The following FNBP1 variants were observed in gnomAD, a reference collection of about 807,000 sequenced individuals.
FNBP1 encodes the protein formin binding protein 1.
FNBP1 carries 26 observed loss-of-function variants against 90.6 expected under a neutral mutation model. The ratio of observed to expected loss-of-function variants is 0.29; its 90% CI spans 0.21 to 0.40. The LOEUF (loss-of-function observed/expected upper bound fraction) is 0.40. Ranked by LOEUF, FNBP1 falls within the 10% of genes least tolerant of loss-of-function variation. The probability of loss-of-function intolerance (pLI) is 1.00; values close to 1 mark genes in which losing one functional copy is unlikely to be tolerated. For synonymous variants in FNBP1, 260 were observed against 265.2 expected (o/e 0.98, Z 0.19); for missense variants, 635 against 768.0 (o/e 0.83, Z 2.05).
intron 1 of FNBP1, among the ~76,000 whole-genome samples, chr9:130,032,677 T>C (rs1742587085): frequency 6.6e-6 from 1 of 152,052 alleles, no homozygotes; most frequent in South Asian, 2.1e-4. Flanking sequence ...AATAATTCAT[T>C]AGATGTTTCA....
At chr9:129,984,651 C>T (rs2051845109) in intron 2 of FNBP1, among the ~76,000 whole-genome samples, 1 of 152,048 alleles carries the variant, frequency 6.6e-6, no homozygotes, top group South Asian at 2.1e-4. Flanking sequence ...CGCTGTGTCC[C>T]CACCCAAATC....
Position 129,976,768 on chromosome 9 carries a change from T to C in FNBP1, c.345+1697A>G, listed in dbSNP as rs550114142. On this transcript the variant is annotated intron_variant, in intron 4 of 16. Coordinates refer to ENST00000446176, the MANE Select transcript of FNBP1 (RefSeq NM_015033.3). ...TACTCTTACTTTGTGGCAACTACCATAATTGCAATTAAATAATCACTTTTG... is the reference window on the plus strand; with the variant it reads ...TACTCTTACTTTGTGGCAACTACCACAATTGCAATTAAATAATCACTTTTG... Among the ~76,000 whole-genome samples the C allele has an allele frequency of 5.7e-4, 87 of 152,320 alleles. No individual in the cohort carries two copies. The South Asian group carries it at 0.018, about 31-fold the overall frequency.
intron 16 of FNBP1, among the ~76,000 whole-genome samples, chr9:129,891,920 C>G (rs1025098393): frequency 6.6e-6 from 1 of 152,096 alleles, no homozygotes; most frequent in Middle Eastern, 3.2e-3. Context: ...GAAGCAGATA[C>G]GAGGGTACAA....
chr9:130,030,709 T>C (rs190511434), intron 1 of FNBP1, among the ~76,000 whole-genome samples: 4 of 152,176 alleles, frequency 2.6e-5, no homozygotes, highest in African/African-American at 7.2e-5. Context: ...GGCGAGAACG[T>C]ACGGATCAGC....
chr9:130,014,829 C>A (rs893902712), intron 1 of FNBP1, among the ~76,000 whole-genome samples: 1 of 151,454 alleles, frequency 6.6e-6, no homozygotes, highest in Non-Finnish European at 1.5e-5. Flanking sequence ...AAGTATTGAA[C>A]TATTACTTTT....
chr9:130,042,766 C>A lies in FNBP1; in HGVS notation c.24+186G>T, dbSNP rs1300931046. On this transcript the variant is annotated intron_variant, in intron 1 of 16. Transcript: ENST00000446176. The surrounding 1 kb of genome is among the most constrained non-coding windows in gnomAD (Gnocchi z 5.5). ...CCTCGCCTCCGAAGGACAAGCCGGC[C>A]CGCACCTCCTGCTCGGGCCAAGGCG... 6.6e-6 allele frequency among the ~76,000 whole-genome samples: 1 copy of A among 151,838 alleles called. No homozygotes were observed. The highest frequency in any genetic ancestry group is 1.5e-5 in the Non-Finnish European group (1 of 67,920).
upstream of FNBP1, among the ~76,000 whole-genome samples, chr9:130,043,819 C>T (rs2060020086): frequency 6.6e-6 from 1 of 152,222 alleles, no homozygotes; most frequent in Admixed American, 6.5e-5. Context: ...AACTCTCAGG[C>T]GTGAAATCAC....
chr9:129,942,459 T>C (rs550684922), intron 6 of FNBP1, among the ~76,000 whole-genome samples: 21 of 152,322 alleles, frequency 1.4e-4, no homozygotes, highest in African/African-American at 4.8e-4. Flanking sequence ...CTAATAGCTA[T>C]TTGTCATCTT....
At chr9:130,005,551 A>T (rs186262679) in intron 1 of FNBP1, among the ~76,000 whole-genome samples, 1 of 151,958 alleles carries the variant, frequency 6.6e-6, no homozygotes, top group Admixed American at 6.6e-5. Flanking sequence ...CCATGTTAGC[A>T]AGGATGGTCT....
intron 6 of FNBP1, among the ~76,000 whole-genome samples, chr9:129,956,224 T>C (rs1330692406): frequency 6.6e-6 from 1 of 152,188 alleles, no homozygotes; most frequent in Non-Finnish European, 1.5e-5. Flanking sequence ...AATATTAACG[T>C]ATACCTAGTC....
intron 7 of FNBP1, among the ~76,000 whole-genome samples, chr9:129,929,054 GT>G (rs372791324): frequency 2.5e-3 from 374 of 151,968 alleles, no homozygotes; most frequent in African/African-American, 8.8e-3. Flanking sequence ...GGTCGTGATT[GT>G]GCACTGCACT....
chr9:129,977,650 C>A (rs1321370839), intron 4 of FNBP1, among the ~76,000 whole-genome samples: 1 of 151,942 alleles, frequency 6.6e-6, no homozygotes, highest in Admixed American at 6.6e-5. Context: ...CGTCACCACG[C>A]CCAGCTAGTT....
chr9:129,945,938 C>T (rs935851549), intron 6 of FNBP1, among the ~76,000 whole-genome samples: 1 of 152,164 alleles, frequency 6.6e-6, no homozygotes, highest in Non-Finnish European at 1.5e-5. Context: ...GAGGCCAAGG[C>T]AGACGGATCA....
At chr9:129,958,438 A>G (rs1734649429) in intron 5 of FNBP1, 53 bp downstream of exon 5, 6 of 1,345,916 alleles carry the variant, frequency 4.5e-6, no homozygotes, top group South Asian at 1.3e-5. Context: ...TCTCAAAAAA[A>G]AAGAAAAAAA....
intron 6 of FNBP1, chr9:129,933,681 AG>A (rs2043066432): frequency 1.3e-5 from 2 of 152,190 alleles, no homozygotes; most frequent in African/African-American, 4.8e-5. Context: ...CTGTCTCTCC[AG>A]GAGTTTTTCT....
intron 16 of FNBP1, among the ~76,000 whole-genome samples, chr9:129,893,691 C>T (rs1427176730): frequency 7.3e-6 from 1 of 137,384 alleles, no homozygotes; most frequent in Non-Finnish European, 1.5e-5. Flanking sequence ...CTGAGGTGGA[C>T]AGATCATGAG....
chr9:130,017,085 A>C (rs775467103), intron 1 of FNBP1, among the ~76,000 whole-genome samples: 1 of 152,084 alleles, frequency 6.6e-6, no homozygotes, highest in Non-Finnish European at 1.5e-5. Context: ...ATCTCTTTTA[A>C]AAAAAAGGTA....
At chr9:129,978,361 AGACCCATAGTCTT>A (rs1313198803) in intron 4 of FNBP1, 91 bp downstream of exon 4, 1 of 986,330 alleles carries the variant, frequency 1.0e-6, no homozygotes, top group Non-Finnish European at 1.5e-6. Flanking sequence ...TATGAGTTTA[AGACCCATAGTCTT>A]ATATGGTTTT....
At chr9:130,001,205 G>A (rs2417196) in intron 1 of FNBP1, among the ~76,000 whole-genome samples, 11,661 of 151,238 alleles carry the variant, frequency 0.077, 578 homozygotes, top group Middle Eastern at 0.14. Context: ...GGTGGCGGTC[G>A]CCTGTAATAA....
Sources: allele counts gnomAD v4.1 joint callset (sites outside exome capture counted in the v4.1 genomes callset), GRCh38; gene constraint gnomAD v4.1.1; non-coding constraint Gnocchi (gnomAD v3.1); transcripts MANE v1.5; gene names NCBI Gene and HGNC (gene_info 2026-07-23, HGNC 2026-07-21).